POU6F2: variants seen among roughly 807,000 people sequenced by gnomAD.
POU6F2 encodes POU class 6 homeobox 2.
A neutral mutation model predicts 71.3 loss-of-function variants in POU6F2; 31 were observed. The ratio of observed to expected loss-of-function variants is 0.43; its 90% CI spans 0.33 to 0.59. The LOEUF (loss-of-function observed/expected upper bound fraction) is 0.59, where lower values mean the gene tolerates loss of function less well. POU6F2 is among the 20% of genes least tolerant of loss of function. The pLI is 0.04. For synonymous variants in POU6F2, 347 were observed against 355.7 expected, an observed-to-expected ratio of 0.98 and a Z score of 0.27; for missense variants, 783 against 856.8, an observed-to-expected ratio of 0.91 and a Z score of 1.07.
At chr7:39,086,836 G>A (rs1039550672) in intron 2 of POU6F2, among the ~76,000 whole-genome samples, 4 of 152,126 alleles carry the variant, frequency 2.6e-5, no homozygotes, top group Non-Finnish European at 4.4e-5. Flanking sequence ...GTTGAGGCGC[G>A]TGCCTGAGTG....
At chr7:39,102,998 G>A (rs971242739) in intron 2 of POU6F2, among the ~76,000 whole-genome samples, 21 of 151,706 alleles carry the variant, frequency 1.4e-4, no homozygotes, top group Non-Finnish European at 2.9e-4. Flanking sequence ...CCAAAACTTT[G>A]TTCTGTGGTG....
intron 4 of POU6F2, among the ~76,000 whole-genome samples, chr7:39,289,355 T>C (rs1243583716): frequency 1.3e-5 from 2 of 152,242 alleles, no homozygotes; most frequent in Non-Finnish European, 2.9e-5. Context: ...CCATTTTATT[T>C]TCAAGTCAAA....
intron 7 of POU6F2, among the ~76,000 whole-genome samples, chr7:39,438,759 G>A (rs1295724855): frequency 1.3e-5 from 2 of 152,206 alleles, no homozygotes; most frequent in African/African-American, 4.8e-5. Flanking sequence ...CATTTGATGA[G>A]GAGTGTTTTA....
intron 2 of POU6F2, among the ~76,000 whole-genome samples, chr7:39,129,081 G>A (rs564416182): frequency 4.5e-4 from 68 of 152,244 alleles, no homozygotes; most frequent in African/African-American, 1.5e-3. Context: ...CTGAGTAAAC[G>A]GTGCTGGCAA....
chr7:39,022,604 G>A lies in POU6F2; in HGVS notation c.105+44546G>A, dbSNP rs527246829. ...TCCTGTTCTAAAGCTTCTTGTAAGTGGAATCATGCAATATATATTCTTTTA... is the reference window on the plus strand; with the variant it reads ...TCCTGTTCTAAAGCTTCTTGTAAGTAGAATCATGCAATATATATTCTTTTA... On this transcript the variant is annotated intron_variant, in intron 1 of 9. Coordinates refer to ENST00000518318, the MANE Select transcript of POU6F2 (RefSeq NM_001370959.1). 1.2e-4 allele frequency among the ~76,000 whole-genome samples: 19 copies of A among 152,076 alleles called. No homozygotes were observed. The South Asian group carries it at 3.7e-3, about 30-fold the overall frequency.
intron 4 of POU6F2, among the ~76,000 whole-genome samples, chr7:39,214,406 C>G (rs1220449234): frequency 6.6e-6 from 1 of 152,140 alleles, no homozygotes; most frequent in African/African-American, 2.4e-5. Context: ...CACTTAGGAC[C>G]TTTTACAAAA....
At chr7:39,209,492 T>A (rs62443963) in intron 4 of POU6F2, among the ~76,000 whole-genome samples, 14,267 of 152,198 alleles carry the variant, frequency 0.094, 822 homozygotes, top group Middle Eastern at 0.14. Flanking sequence ...GATGAGGTTA[T>A]TAGAATAAAT....
At chr7:39,387,697 A>G (rs1990243) in intron 5 of POU6F2, among the ~76,000 whole-genome samples, 73,443 of 152,012 alleles carry the variant, frequency 0.48, 18,070 homozygotes, top group East Asian at 0.75. Flanking sequence ...TCTGCCAAAA[A>G]CAGTTGTTTT....
At chr7:39,428,209 A>G (rs1372878053) in intron 6 of POU6F2, among the ~76,000 whole-genome samples, 1 of 152,276 alleles carries the variant, frequency 6.6e-6, no homozygotes, top group Non-Finnish European at 1.5e-5. Flanking sequence ...GCTAGCAAAC[A>G]CTACTATTTG....
intron 1 of POU6F2, among the ~76,000 whole-genome samples, chr7:39,046,166 G>A (rs781008525): frequency 2.4e-4 from 37 of 151,764 alleles, no homozygotes; most frequent in Non-Finnish European, 4.0e-4. Flanking sequence ...GATTTATTGT[G>A]GTATCTCATT....
rs1427766934 is a variant in POU6F2 at position 39,466,294 on chromosome 7, AT to A, written c.*1609del. The stretch of plus-strand genomic sequence containing the variant: ...TAGAGGATTATTTCCTTTAAAAAAA[AT>A]AACTTAAAAGATCTGTGGGCCACAA... On this transcript the variant is annotated 3_prime_UTR_variant, in exon 10 of 10. Transcript: ENST00000518318. 1 of 152,064 alleles carries A rather than the reference AT, an allele frequency of 6.6e-6. No individual in the cohort carries two copies. Among genetic ancestry groups the A allele is most frequent in the Non-Finnish European group, 1.5e-5 (1 of 68,010 alleles). The allele number at this position is 152,064 out of a possible 1,614,324, so 9.4% of individuals were successfully genotyped here.
intron 2 of POU6F2, among the ~76,000 whole-genome samples, chr7:39,088,394 T>C (rs547896451): frequency 6.6e-6 from 1 of 152,302 alleles, no homozygotes; most frequent in Non-Finnish European, 1.5e-5. Context: ...CCAGAATAAT[T>C]CTGTCCCAGA....
At chr7:39,428,409 G>C (rs1166434265) in intron 6 of POU6F2, among the ~76,000 whole-genome samples, 1 of 152,192 alleles carries the variant, frequency 6.6e-6, no homozygotes, top group Non-Finnish European at 1.5e-5. Flanking sequence ...CCTTGGCCTG[G>C]TTAAAGCATT....
intron 1 of POU6F2, among the ~76,000 whole-genome samples, chr7:39,026,939 C>A (rs2128708008): frequency 2.0e-5 from 3 of 152,098 alleles, no homozygotes; most frequent in Admixed American, 2.0e-4. Context: ...AACTACATAA[C>A]AGAAGTCAAG....
rs567789856 is a variant in POU6F2, at chr7:39,058,190, C to T, written c.106-27670C>T. 2.6e-5 allele frequency among the ~76,000 whole-genome samples: 4 copies of T among 152,290 alleles called. No homozygotes were observed. In the South Asian group the frequency reaches 8.3e-4, roughly 32 times the overall value. On this transcript the variant is annotated intron_variant, in intron 1 of 9. Transcript: ENST00000518318. ...CATATTTCAGCTTGTATCCTCTTCT[C>T]CAAGTTATCTGCAGTTCTGTCATTG...
intron 5 of POU6F2, among the ~76,000 whole-genome samples, chr7:39,394,990 C>T (rs1409125379): frequency 2.0e-5 from 3 of 152,142 alleles, no homozygotes; most frequent in African/African-American, 4.8e-5. Context: ...CCATACCGTG[C>T]TTCTGTGTGC....
intron 2 of POU6F2, among the ~76,000 whole-genome samples, chr7:39,162,525 T>C (rs1457726207): frequency 1.3e-5 from 2 of 152,340 alleles, no homozygotes; most frequent in Admixed American, 1.3e-4. Flanking sequence ...ATTTTGCTTT[T>C]TCCACGATCA....
intron 1 of POU6F2, among the ~76,000 whole-genome samples, chr7:39,082,450 T>C (rs1169313890): frequency 6.6e-6 from 1 of 152,240 alleles, no homozygotes; most frequent in African/African-American, 2.4e-5. Flanking sequence ...ACTTCTCACC[T>C]GCACTAGCTA....
At chr7:39,029,138 A>C (rs1466580828) in intron 1 of POU6F2, among the ~76,000 whole-genome samples, 1 of 152,130 alleles carries the variant, frequency 6.6e-6, no homozygotes, top group Non-Finnish European at 1.5e-5. Flanking sequence ...TCTTTTTAAC[A>C]CAAATTTTTC....
Sources: gnomAD v4.1 joint callset for allele counts (sites outside exome capture counted in the v4.1 genomes callset) on GRCh38, gnomAD v4.1.1 for gene constraint, MANE v1.5 for transcripts, NCBI Gene and HGNC (gene_info 2026-07-23, HGNC 2026-07-21) for gene names.